ARHGEF28: variants seen among roughly 807,000 people sequenced by gnomAD.
ARHGEF28 encodes Rho guanine nucleotide exchange factor 28, also known as 190 kDa guanine nucleotide exchange factor.
A neutral mutation model predicts 206.6 loss-of-function variants in ARHGEF28; 152 were observed. The ratio of observed to expected loss-of-function variants is 0.74; its 90% CI spans 0.64 to 0.84. The LOEUF is 0.84. ARHGEF28 is among the 40% of genes least tolerant of loss of function. The pLI is 0.00. For synonymous variants in ARHGEF28, 763 were observed against 776.4 expected, an observed-to-expected ratio of 0.98 and a Z score of 0.29; for missense variants, 2,028 against 2,073.2, an observed-to-expected ratio of 0.98 and a Z score of 0.42.
In ARHGEF28 at chr5:73,729,919, G is replaced by C. The variant is rs150406529; in HGVS notation, c.34-19918G>C. Among the ~76,000 whole-genome samples, 3 of 152,290 alleles carry C rather than the reference G, an allele frequency of 2.0e-5. No homozygotes were observed. The South Asian group carries it at 6.2e-4, about 32-fold the overall frequency. On this transcript the variant is annotated intron_variant, in intron 2 of 35. Transcript: ENST00000513042. The stretch of plus-strand genomic sequence containing the variant: ...TAGATAGGCCTGAATTCGAGTCCCA[G>C]CTGTGACCTTCCAATTTGTACTATC...
At position 73,806,373 on chromosome 5, in the gene ARHGEF28, T is replaced by G. The variant is rs1255863057; in HGVS notation, c.1024+10982T>G. Among the ~76,000 whole-genome samples the G allele has an allele frequency of 6.6e-5, 2 of 30,280 alleles. 1 individual carries two copies. The highest frequency in any genetic ancestry group is 8.5e-4 in the Admixed American group (2 of 2,344). 19.9% of individuals were successfully genotyped at this position (30,280 alleles called of 152,430 possible). ...AGATATACTATCTATCTATATATAC[T>G]ATATATAGATATATAGATATATATA... On this transcript the variant is annotated intron_variant, in intron 9 of 35. Transcript: ENST00000513042.
chr5:73,629,629 A>G (rs752800021), intron 1 of ARHGEF28, among the ~76,000 whole-genome samples: 44 of 152,196 alleles, frequency 2.9e-4, no homozygotes, highest in Non-Finnish European at 1.2e-4. Flanking sequence ...GATCTCAGGC[A>G]CAATAGTAAT....
chr5:73,842,726 C>A (rs1177315273), intron 11 of ARHGEF28, among the ~76,000 whole-genome samples: 2 of 152,176 alleles, frequency 1.3e-5, no homozygotes, highest in African/African-American at 4.8e-5. Flanking sequence ...CACCTGCAAT[C>A]CCCGTACTTT....
chr5:73,881,668 C>T (rs371974163), intron 22 of ARHGEF28, among the ~76,000 whole-genome samples: 24 of 152,086 alleles, frequency 1.6e-4, no homozygotes, highest in East Asian at 3.9e-4. Flanking sequence ...GGGTGTGTTC[C>T]GGTTTCCATT....
intron 35 of ARHGEF28, among the ~76,000 whole-genome samples, chr5:73,918,851 G>A (rs1763363224): frequency 6.6e-6 from 1 of 152,150 alleles, no homozygotes; most frequent in Admixed American, 6.6e-5. Context: ...AAAAATACAG[G>A]TTCCTCTATT....
At chr5:73,744,353 G>A (rs1049040700) in intron 2 of ARHGEF28, among the ~76,000 whole-genome samples, 3 of 152,176 alleles carry the variant, frequency 2.0e-5, no homozygotes, top group Non-Finnish European at 2.9e-5. Flanking sequence ...GGGGGTTGGG[G>A]CAGAAATCAA....
At chr5:73,737,522 C>CTTTTCTTTTCTTTTCTT in intron 2 of ARHGEF28, among the ~76,000 whole-genome samples, 1 of 120,832 alleles carries the variant, frequency 8.3e-6, no homozygotes. Flanking sequence ...CTTTTCTTTT[C>CTTTTCTTTTCTTTTCTT]TTTTTTGTGA....
intron 9 of ARHGEF28, among the ~76,000 whole-genome samples, chr5:73,826,387 C>T (rs1756906745): frequency 6.6e-6 from 1 of 152,192 alleles, no homozygotes; most frequent in Non-Finnish European, 1.5e-5. Context: ...ATGAATGAAA[C>T]CAATCTACTC....
chr5:73,839,861 T>G (rs1224137284), intron 10 of ARHGEF28, among the ~76,000 whole-genome samples: 1 of 152,240 alleles, frequency 6.6e-6, no homozygotes, highest in Non-Finnish European at 1.5e-5. Context: ...TTTGTGAGAC[T>G]CAGCTTTATG....
chr5:73,749,895 A>G lies in ARHGEF28; in HGVS notation c.92A>G (p.Glu31Gly), dbSNP rs1751936119. The change falls in exon 3 of 36, where the codon GAG (glutamate) becomes GGG (glycine). Residue 31 changes from glutamate (E) to glycine (G), a missense_variant. Glu to Gly is a moderately conservative substitution (Grantham distance 98). Around this residue, in one of 3 missense-constraint regions of ARHGEF28, gnomAD observed 1,002 missense variants for 1,015.3 expected, o/e 0.99. Coordinates refer to ENST00000513042, the MANE Select transcript of ARHGEF28 (RefSeq NM_001177693.2). ...AATGTGTATCTTCCTGAAGATGCTG[A>G]GTTTTACTTTACTTATGACGGATCT... ...DKNVYLPEDA[E>G]FYFTYDGSHQ... 3 of 1,614,004 alleles carry G rather than the reference A, an allele frequency of 1.9e-6. No homozygotes were observed. The highest frequency in any genetic ancestry group is 2.2e-5 in the South Asian group (2 of 91,072).
intron 35 of ARHGEF28, among the ~76,000 whole-genome samples, chr5:73,922,910 T>G (rs957860012): frequency 1.1e-4 from 17 of 152,224 alleles, no homozygotes; most frequent in African/African-American, 4.1e-4. Flanking sequence ...ACATCCTGTA[T>G]TTTTAGATGC....
At chr5:73,902,049 A>G (rs913845520) in intron 31 of ARHGEF28, 5 of 152,196 alleles carry the variant, frequency 3.3e-5, no homozygotes, top group Admixed American at 1.3e-4. Context: ...AATAGGTGCC[A>G]ATATGTGTCA....
intron 35 of ARHGEF28, among the ~76,000 whole-genome samples, chr5:73,936,135 A>AAAAAAAAATT (rs1561209392): frequency 1.4e-4 from 22 of 152,242 alleles, no homozygotes; most frequent in African/African-American, 4.8e-4. Flanking sequence ...GGCAAAGCCT[A>AAAAAAAAATT]CATTAATTAC....
chr5:73,845,723 G>A (rs1471979876), intron 11 of ARHGEF28, among the ~76,000 whole-genome samples: 1 of 152,022 alleles, frequency 6.6e-6, no homozygotes, highest in African/African-American at 2.4e-5. Context: ...CCCCAGTCGT[G>A]GTGGCTCACT....
At chr5:73,938,183 C>T (rs1453446421) in intron 35 of ARHGEF28, among the ~76,000 whole-genome samples, 1 of 147,302 alleles carries the variant, frequency 6.8e-6, no homozygotes, top group Non-Finnish European at 1.5e-5. Flanking sequence ...CACACACACA[C>T]ACACACACAC....
At chr5:73,893,004 T>C (rs1262743569) in intron 27 of ARHGEF28, among the ~76,000 whole-genome samples, 193 bp from the exon 28 acceptor site, 1 of 152,192 alleles carries the variant, frequency 6.6e-6, no homozygotes, top group Non-Finnish European at 1.5e-5. Flanking sequence ...TTGAGAGCCA[T>C]GTAATGTTAT....
rs561057106 is a variant in ARHGEF28, at chr5:73,645,333, A to G, written c.-12+19011A>G. Among the ~76,000 whole-genome samples, 7 of 152,282 alleles carry G rather than the reference A, an allele frequency of 4.6e-5. No homozygotes were observed. The South Asian group carries it at 1.2e-3, about 27-fold the overall frequency. On this transcript the variant is annotated intron_variant, in intron 1 of 35. Coordinates refer to ENST00000513042, the MANE Select transcript of ARHGEF28 (RefSeq NM_001177693.2). ...TGGCTTCTCAGGGTCATATTTTTAA[A>G]AAGTATTTACATAATTAGGTTGTTA...
chr5:73,852,811 C>A, intron 14 of ARHGEF28, 119 bp downstream of exon 14: 2 of 1,051,888 alleles, frequency 1.9e-6, no homozygotes, highest in African/African-American at 1.6e-5. Flanking sequence ...AACAAGCCTG[C>A]CTAAGACCCT....
intron 1 of ARHGEF28, among the ~76,000 whole-genome samples, chr5:73,675,033 C>T (rs1202979050): frequency 6.6e-6 from 1 of 152,142 alleles, no homozygotes; most frequent in African/African-American, 2.4e-5. Flanking sequence ...TAGTCAAACC[C>T]AAGGAGAGGG....
Sources: gnomAD v4.1 joint callset for allele counts (sites outside exome capture counted in the v4.1 genomes callset) on GRCh38, gnomAD v4.1.1 for gene constraint, gnomAD v4.1.1 regional missense constraint, MANE v1.5 for transcripts, NCBI Gene and HGNC (gene_info 2026-07-23, HGNC 2026-07-21) for gene names.